Variants in TBXAS1 observed in about 807,000 individuals in gnomAD.
TBXAS1 encodes the protein thromboxane-A synthase.
Under a neutral mutation model 60.7 loss-of-function variants are expected in TBXAS1, and 48 were observed. The observed-to-expected ratio is 0.79, with a 90% CI of 0.63 to 1.01. The LOEUF is 1.01. Among genes scored for constraint, TBXAS1 ranks in the 50% least tolerant of loss-of-function variants. The pLI is 0.00. For missense variants in TBXAS1, 685 were observed against 686.3 expected, an observed-to-expected ratio of 1.00 and a Z score of 0.02; for synonymous variants, 287 against 269.7, an observed-to-expected ratio of 1.06 and a Z score of -0.63.
chr7:139,944,501 ACT>A (rs1299655559), intron 5 of TBXAS1, among the ~76,000 whole-genome samples: 1 of 152,086 alleles, frequency 6.6e-6, no homozygotes, highest in Non-Finnish European at 1.5e-5. Flanking sequence ...CCTGCTCAGA[ACT>A]CTGTGTTAGG....
rs1800285646 is a variant in TBXAS1, at chr7:139,852,448, A to T, written c.90-19787A>T. Among the ~76,000 whole-genome samples the T allele has an allele frequency of 6.6e-6, 1 of 152,318 alleles. No individual in the cohort carries two copies. The highest frequency in any genetic ancestry group is 2.4e-5 in the African/African-American group (1 of 41,582). On this transcript the variant is annotated intron_variant, in intron 1 of 12. Coordinates refer to ENST00000448866, the MANE Select transcript of TBXAS1 (RefSeq NM_001061.7). This position sits in a 1 kb window ranked among gnomAD's most constrained non-coding sequence, Gnocchi z 4.4. The stretch of plus-strand genomic sequence containing the variant: ...CCAGAAGCAAACACACTGAGGAACA[A>T]CGGGCACTGAGATTCAGGGCTCTTG...
At chr7:139,963,948 A>G (rs1810570701) in intron 9 of TBXAS1, among the ~76,000 whole-genome samples, 1 of 152,064 alleles carries the variant, frequency 6.6e-6, no homozygotes. Context: ...TCAAAGCCCC[A>G]AGAAGCCTGT....
At chr7:139,880,797 TG>T (rs147685749) in intron 3 of TBXAS1, among the ~76,000 whole-genome samples, 2,325 of 152,344 alleles carry the variant, frequency 0.015, 33 homozygotes, top group African/African-American at 0.033. Flanking sequence ...CATTGATGTC[TG>T]GGGTAAGTAT....
chr7:139,980,760 C>G (rs1158042433), intron 9 of TBXAS1, among the ~76,000 whole-genome samples: 3 of 151,894 alleles, frequency 2.0e-5, no homozygotes, highest in Admixed American at 6.6e-5. Context: ...TGCAGCCAGC[C>G]TGTCTCCTGA....
At chr7:139,847,197 A>G (rs1387218749) in intron 1 of TBXAS1, among the ~76,000 whole-genome samples, 1 of 152,192 alleles carries the variant, frequency 6.6e-6, no homozygotes, top group Non-Finnish European at 1.5e-5. Context: ...AAATTTTTCA[A>G]ATTTTCCCAT....
intron 1 of TBXAS1, among the ~76,000 whole-genome samples, chr7:139,779,970 T>C (rs369909794): frequency 6.6e-6 from 1 of 152,162 alleles, no homozygotes; most frequent in African/African-American, 2.4e-5. Context: ...TTTAAGCAGA[T>C]TCTACCTGTG....
chr7:139,780,047 C>T (rs900783003), intron 1 of TBXAS1, among the ~76,000 whole-genome samples: 1 of 152,206 alleles, frequency 6.6e-6, no homozygotes, highest in African/African-American at 2.4e-5. Flanking sequence ...AGGTTCAAAT[C>T]CTAGCTCTTC....
intron 3 of TBXAS1, among the ~76,000 whole-genome samples, chr7:139,887,709 A>G (rs1584771041): frequency 6.6e-6 from 1 of 152,230 alleles, no homozygotes; most frequent in East Asian, 1.9e-4. Flanking sequence ...GCATTGAGCT[A>G]ATGTGAATAA....
At chr7:139,867,862 A>T (rs1351295544) in intron 1 of TBXAS1, among the ~76,000 whole-genome samples, 2 of 151,884 alleles carry the variant, frequency 1.3e-5, no homozygotes, top group Non-Finnish European at 2.9e-5. Context: ...ATAAATAAAG[A>T]GAAAGCCTTG....
Position 139,852,613 on chromosome 7 carries a change from C to T in TBXAS1, c.90-19622C>T, listed in dbSNP as rs1363115052. Among the ~76,000 whole-genome samples the T allele has an allele frequency of 6.6e-6, 1 of 152,274 alleles. No individual in the cohort carries two copies. The highest frequency in any genetic ancestry group is 1.9e-4 in the East Asian group (1 of 5,192). ...GTCAAGACAAAGATCTGGGGGATTA[C>T]AGGAACAAACATGATGCAAGGGGAT... On this transcript the variant is annotated intron_variant, in intron 1 of 12. Transcript: ENST00000448866. The surrounding 1 kb of genome is among the most constrained non-coding windows in gnomAD (Gnocchi z 4.4).
rs372340600 is a variant in TBXAS1 at position 140,005,353 on chromosome 7, C to T, written c.1135-1738C>T. 4.5e-4 allele frequency among the ~76,000 whole-genome samples: 68 copies of T among 151,542 alleles called. No individual in the cohort carries two copies. The South Asian group carries it at 0.011, about 24-fold the overall frequency. On this transcript the variant is annotated intron_variant, in intron 9 of 12. Coordinates refer to ENST00000448866, the MANE Select transcript of TBXAS1 (RefSeq NM_001061.7). ...CTGAAGCAGGAGAATCACTTGAACC[C>T]GGGAGGTGGAGGATGCAGTGAGCCG... is the stretch of plus-strand genomic sequence containing the variant.
At chr7:139,828,896 G>A (rs944311502), upstream of TBXAS1, among the ~76,000 whole-genome samples, 1 of 151,982 alleles carries the variant, frequency 6.6e-6, no homozygotes, top group Non-Finnish European at 1.5e-5. Flanking sequence ...TATTTTTCTG[G>A]GATATTCAGA....
At chr7:139,954,643 GT>G (rs1809691951) in intron 6 of TBXAS1, among the ~76,000 whole-genome samples, 1 of 152,184 alleles carries the variant, frequency 6.6e-6, no homozygotes, top group Non-Finnish European at 1.5e-5. Flanking sequence ...TAATAACCCA[GT>G]TTTTAGCTTT....
intron 3 of TBXAS1, among the ~76,000 whole-genome samples, chr7:139,909,435 T>G (rs1805348236): frequency 6.6e-6 from 1 of 152,238 alleles, no homozygotes; most frequent in Non-Finnish European, 1.5e-5. Flanking sequence ...TTTATGGCCT[T>G]ATTGAGTTGT....
chr7:139,984,682 GAAGAAAGAAAGAAGAAAGAAA>G (rs1277772511), intron 9 of TBXAS1, among the ~76,000 whole-genome samples: 4 of 105,526 alleles, frequency 3.8e-5, no homozygotes, highest in Non-Finnish European at 6.1e-5. Context: ...AAGAAAAGAA[GAAGAAAGAAAGAAGAAAGAAA>G]AAGAAAGAGG....
intron 3 of TBXAS1, among the ~76,000 whole-genome samples, chr7:139,787,136 A>C (rs562853719): frequency 6.6e-6 from 1 of 152,362 alleles, no homozygotes; most frequent in East Asian, 1.9e-4. Context: ...ACAGCTTCAA[A>C]GTGTAAGTTA....
intron 4 of TBXAS1, among the ~76,000 whole-genome samples, chr7:139,918,246 C>T (rs1806156045): frequency 6.6e-6 from 1 of 152,170 alleles, no homozygotes; most frequent in Admixed American, 6.5e-5. Context: ...CTTTAACCTC[C>T]TGATTCTCAA....
chr7:140,006,172 T>C (rs574805730), intron 9 of TBXAS1, among the ~76,000 whole-genome samples: 2 of 152,220 alleles, frequency 1.3e-5, no homozygotes, highest in Non-Finnish European at 2.9e-5. Flanking sequence ...GGATTAGCAT[T>C]ATCTAGGTGA....
At chr7:139,905,996 G>A (rs1309960127) in intron 3 of TBXAS1, 7 of 204,730 alleles carry the variant, frequency 3.4e-5, no homozygotes, top group Middle Eastern at 5.1e-4. Context: ...TAATTCTGTA[G>A]TCCATTTTGA....
Sources: gnomAD v4.1 joint callset for allele counts (sites outside exome capture counted in the v4.1 genomes callset) on GRCh38, gnomAD v4.1.1 for gene constraint, Gnocchi (gnomAD v3.1) non-coding constraint, MANE v1.5 for transcripts, NCBI Gene and HGNC (gene_info 2026-07-23, HGNC 2026-07-21) for gene names.